Variants in LIN7A observed in about 807,000 individuals in gnomAD.
LIN7A encodes the protein lin-7 cell polarity scaffold A.
LIN7A carries 25 observed loss-of-function variants against 29.8 expected under a neutral mutation model. The ratio of observed to expected loss-of-function variants is 0.84; its 90% CI spans 0.61 to 1.17. LIN7A has a LOEUF of 1.17. Ranked by LOEUF, LIN7A falls within the 50% of genes most tolerant of loss-of-function variation. LIN7A has a pLI of 0.00. For missense variants in LIN7A, 239 were observed against 287.0 expected (o/e 0.83, Z 1.21); for synonymous variants, 118 against 107.5 (o/e 1.10, Z -0.60).
At chr12:80,827,256 G>A (rs1460651066) in intron 4 of LIN7A, among the ~76,000 whole-genome samples, 1 of 151,944 alleles carries the variant, frequency 6.6e-6, no homozygotes, top group Admixed American at 6.6e-5. Context: ...GCGTGGTGGT[G>A]GGTGCCTGTA....
chr12:80,905,725 A>G lies in LIN7A; in HGVS notation c.83-16356T>C, dbSNP rs149495020. ...TCTTGGTAACATTTCTCTAAGTTAA[A>G]TATCACTCTTTCACATTTAATTTTG... On this transcript the variant is annotated intron_variant, in intron 1 of 5. Coordinates refer to ENST00000552864, the MANE Select transcript of LIN7A (RefSeq NM_004664.4). Among the ~76,000 whole-genome samples the G allele has an allele frequency of 9.2e-5, 14 of 152,282 alleles. No individual in the cohort carries two copies. In the East Asian group the frequency reaches 2.3e-3, roughly 25 times the overall value.
intron 2 of LIN7A, among the ~76,000 whole-genome samples, chr12:80,864,300 G>A (rs532708243): frequency 1.3e-5 from 2 of 150,368 alleles, no homozygotes; most frequent in Admixed American, 6.6e-5. Context: ...ATAAGATTTT[G>A]TTAAAGTTGT....
chr12:80,917,435 A>G (rs1382843451), intron 1 of LIN7A, among the ~76,000 whole-genome samples: 1 of 152,194 alleles, frequency 6.6e-6, no homozygotes, highest in Non-Finnish European at 1.5e-5. Flanking sequence ...GCTTCCTTTT[A>G]AGTTCAAAAG....
At chr12:80,878,787 G>T (rs1716549) in intron 2 of LIN7A, among the ~76,000 whole-genome samples, 102,792 of 151,596 alleles carry the variant, frequency 0.68, 38,857 homozygotes, top group Non-Finnish European at 0.87. Flanking sequence ...TAGCCACAGA[G>T]AGCTGATTGG....
At chr12:80,808,943 CT>C (rs1364023337) in intron 5 of LIN7A, among the ~76,000 whole-genome samples, 2 of 151,476 alleles carry the variant, frequency 1.3e-5, no homozygotes, top group Non-Finnish European at 2.9e-5. Context: ...AAATCCCTAT[CT>C]TTTCCCCCCT....
chr12:80,867,370 C>G (rs1323011141), intron 2 of LIN7A, among the ~76,000 whole-genome samples: 1 of 152,130 alleles, frequency 6.6e-6, no homozygotes, highest in African/African-American at 2.4e-5. Context: ...GACCATGACC[C>G]CTGCCTTAGA....
chr12:80,834,836 C>T (rs1277994464), intron 4 of LIN7A, among the ~76,000 whole-genome samples: 2 of 152,148 alleles, frequency 1.3e-5, no homozygotes, highest in African/African-American at 4.8e-5. Flanking sequence ...AACCCTTAGA[C>T]TTACACTTGG....
chr12:80,908,357 G>A (rs1876589054), intron 1 of LIN7A, among the ~76,000 whole-genome samples: 1 of 151,986 alleles, frequency 6.6e-6, no homozygotes, highest in South Asian at 2.1e-4. Context: ...AAATTCATAT[G>A]TATAAGTAAT....
intron 4 of LIN7A, among the ~76,000 whole-genome samples, chr12:80,833,389 C>CTT (rs1268637534): frequency 2.0e-5 from 3 of 152,322 alleles, no homozygotes; most frequent in South Asian, 4.1e-4. Flanking sequence ...ATTTTCAAAT[C>CTT]TTTTCCTTTC....
At chr12:80,848,483 C>G (rs1243508694) in intron 2 of LIN7A, among the ~76,000 whole-genome samples, 161 bp from the exon 3 acceptor site, 1 of 152,090 alleles carries the variant, frequency 6.6e-6, no homozygotes, top group Non-Finnish European at 1.5e-5. Context: ...ACTCCTTAAA[C>G]AGCAGATATT....
At chr12:80,837,662 G>A (rs531558808) in intron 4 of LIN7A, among the ~76,000 whole-genome samples, 46 of 152,234 alleles carry the variant, frequency 3.0e-4, no homozygotes, top group African/African-American at 7.9e-4. Flanking sequence ...AAAAACCACC[G>A]TGTGTGGTAA....
chr12:80,887,875 A>T (rs1333013077), intron 2 of LIN7A, among the ~76,000 whole-genome samples: 7 of 152,076 alleles, frequency 4.6e-5, no homozygotes, highest in Non-Finnish European at 8.8e-5. Context: ...GAGATGGTAG[A>T]ATCTCTAAAA....
chr12:80,860,371 T>C (rs142095870), intron 2 of LIN7A, among the ~76,000 whole-genome samples: 26 of 152,322 alleles, frequency 1.7e-4, no homozygotes, highest in Non-Finnish European at 2.4e-4. Flanking sequence ...GTCATTCAAA[T>C]TGCAACACAA....
At chr12:80,845,307 A>T (rs2121548877) in intron 4 of LIN7A, among the ~76,000 whole-genome samples, 1 of 152,228 alleles carries the variant, frequency 6.6e-6, no homozygotes, top group Non-Finnish European at 1.5e-5. Flanking sequence ...CATAAACATT[A>T]AAATTACCCT....
At chr12:80,840,324 T>C (rs1872751593) in intron 4 of LIN7A, among the ~76,000 whole-genome samples, 1 of 152,226 alleles carries the variant, frequency 6.6e-6, no homozygotes, top group African/African-American at 2.4e-5. Flanking sequence ...GGATTTGTTT[T>C]TAACATAACC....
chr12:80,843,659 C>A (rs994783522), intron 4 of LIN7A, among the ~76,000 whole-genome samples: 2 of 152,238 alleles, frequency 1.3e-5, no homozygotes, highest in African/African-American at 4.8e-5. Context: ...CACAGGATAG[C>A]TCTCAACAAA....
chr12:80,824,338 A>G (rs1433049318), intron 4 of LIN7A, among the ~76,000 whole-genome samples: 1 of 152,178 alleles, frequency 6.6e-6, no homozygotes, highest in Non-Finnish European at 1.5e-5. Context: ...CTCTGAACAG[A>G]CTAATAACAA....
chr12:80,856,374 G>A (rs1237753734), intron 2 of LIN7A, among the ~76,000 whole-genome samples: 1 of 152,186 alleles, frequency 6.6e-6, no homozygotes. Flanking sequence ...CACCATTAAA[G>A]CAGATATTTG....
At chr12:80,809,659 G>T (rs901819456) in intron 5 of LIN7A, among the ~76,000 whole-genome samples, 2 of 152,106 alleles carry the variant, frequency 1.3e-5, no homozygotes, top group East Asian at 1.9e-4. Context: ...TGCCTTGAAG[G>T]TTTTTTTCTG....
Sources: allele counts gnomAD v4.1 joint callset (sites outside exome capture counted in the v4.1 genomes callset), GRCh38; gene constraint gnomAD v4.1.1; transcripts MANE v1.5; gene names NCBI Gene and HGNC (gene_info 2026-07-23, HGNC 2026-07-21).